PPA2: variants seen among roughly 807,000 people sequenced by gnomAD.
PPA2 encodes the protein inorganic pyrophosphatase 2, mitochondrial.
A neutral mutation model predicts 49.5 loss-of-function variants in PPA2; 48 were observed. The observed-to-expected ratio is 0.97, with a 90% CI of 0.77 to 1.23. The LOEUF is 1.23. Ranked by LOEUF, PPA2 falls within the 50% of genes most tolerant of loss-of-function variation. The probability of loss-of-function intolerance (pLI) is 0.00; values close to 1 mark genes in which losing one functional copy is unlikely to be tolerated. For synonymous variants in PPA2, 131 were observed against 139.9 expected, an observed-to-expected ratio of 0.94 and a Z score of 0.45; for missense variants, 429 against 410.1, an observed-to-expected ratio of 1.05 and a Z score of -0.40.
intron 9 of PPA2, among the ~76,000 whole-genome samples, chr4:105,392,819 A>C (rs555606944): frequency 3.7e-4 from 56 of 152,364 alleles, no homozygotes; most frequent in Non-Finnish European, 6.2e-4. Flanking sequence ...TGAGGAACTT[A>C]TATTCTAGAG....
chr4:105,438,069 G>A (rs201209617), intron 5 of PPA2, 33 bp from the exon 6 acceptor site: 1 of 1,411,004 alleles, frequency 7.1e-7, no homozygotes, highest in Non-Finnish European at 9.8e-7. Context: ...AAGCAGAAAT[G>A]TAAGTTAATA....
chr4:105,425,220 C>A (rs558913637), intron 6 of PPA2, among the ~76,000 whole-genome samples: 2 of 152,136 alleles, frequency 1.3e-5, no homozygotes, highest in Admixed American at 6.5e-5. Flanking sequence ...AAAATGTAAA[C>A]CCTAAATGGG....
intron 7 of PPA2, chr4:105,405,697 A>G (rs1722437522): frequency 2.2e-6 from 2 of 893,932 alleles, no homozygotes; most frequent in Non-Finnish European, 2.7e-6. Flanking sequence ...GTTTCAATGT[A>G]CTCCCTCAGG....
chr4:105,443,285 G>A (rs542955906), intron 5 of PPA2, among the ~76,000 whole-genome samples: 18 of 152,010 alleles, frequency 1.2e-4, no homozygotes, highest in African/African-American at 4.3e-4. Context: ...TGAAGGTGAG[G>A]GCTTGAGACA....
At chr4:105,428,293 A>C (rs142571477) in intron 6 of PPA2, among the ~76,000 whole-genome samples, 27 of 152,310 alleles carry the variant, frequency 1.8e-4, no homozygotes, top group East Asian at 3.9e-4. Flanking sequence ...TTCATCAATT[A>C]ATGCGCAAAA....
At chr4:105,383,514 C>A (rs2636723) in intron 10 of PPA2, among the ~76,000 whole-genome samples, 89,065 of 152,008 alleles carry the variant, frequency 0.59, 26,280 homozygotes, top group East Asian at 0.68. Context: ...TATACTTCCT[C>A]CAATAGTTCT....
intron 7 of PPA2, among the ~76,000 whole-genome samples, chr4:105,409,768 G>A (rs535487094): frequency 7.9e-5 from 12 of 152,214 alleles, no homozygotes; most frequent in African/African-American, 1.7e-4. Flanking sequence ...ATACCCAGGC[G>A]AATAGGGTCT....
At chr4:105,444,295 G>A (rs183175626) in intron 5 of PPA2, among the ~76,000 whole-genome samples, 42 of 152,270 alleles carry the variant, frequency 2.8e-4, no homozygotes, top group South Asian at 6.2e-4. Flanking sequence ...AGAAGTAAGC[G>A]GAGGCCAGAT....
In PPA2 at chr4:105,466,954, C is replaced by T. The variant is rs144009381; in HGVS notation, c.157+6940G>A. Among the ~76,000 whole-genome samples, 35 of 152,350 alleles carry T rather than the reference C, an allele frequency of 2.3e-4. 1 individual carries two copies. The highest frequency in any genetic ancestry group is 7.2e-4 in the Admixed American group (11 of 15,300). ...CTGCCATTTTGCCTCTTAGTGCAAA[C>T]GCTTGAGCCCACTCACCCAGTTCCT... On this transcript the variant is annotated intron_variant, in intron 1 of 11. Coordinates refer to ENST00000341695, the MANE Select transcript of PPA2 (RefSeq NM_176869.3).
At chr4:105,380,909 A>G (rs527620911) in intron 10 of PPA2, among the ~76,000 whole-genome samples, 21 of 152,234 alleles carry the variant, frequency 1.4e-4, no homozygotes, top group Non-Finnish European at 2.6e-4. Context: ...ATGTGTACCT[A>G]GAAGGGTAAT....
At chr4:105,450,886 C>T (rs905946269) in intron 3 of PPA2, among the ~76,000 whole-genome samples, 2 of 152,250 alleles carry the variant, frequency 1.3e-5, no homozygotes, top group African/African-American at 4.8e-5. Context: ...GGATTACAGG[C>T]GTGAGCCACC....
intron 11 of PPA2, 52 bp from the exon 12 acceptor site, chr4:105,369,805 G>C (rs1290506921): frequency 6.8e-7 from 1 of 1,470,534 alleles, no homozygotes; most frequent in Non-Finnish European, 9.5e-7. Flanking sequence ...AGAGGAGGGA[G>C]AAGGGAGTGA....
chr4:105,463,338 AG>A (rs1169002631), intron 1 of PPA2, among the ~76,000 whole-genome samples: 2 of 152,136 alleles, frequency 1.3e-5, no homozygotes, highest in Non-Finnish European at 2.9e-5. Context: ...AACTTGAGAG[AG>A]ATGATTTAGG....
At chr4:105,455,952 T>G (rs1258611313) in intron 2 of PPA2, 1 of 193,264 alleles carries the variant, frequency 5.2e-6, no homozygotes, top group African/African-American at 2.3e-5. Flanking sequence ...ACTTGGATTT[T>G]AAGGAAATAA....
chr4:105,447,183 A>G (rs1722424284), intron 4 of PPA2, among the ~76,000 whole-genome samples: 1 of 152,218 alleles, frequency 6.6e-6, no homozygotes, highest in Non-Finnish European at 1.5e-5. Flanking sequence ...TGTGGTATAT[A>G]TACATAATAA....
At chr4:105,413,374 C>T (rs182231244) in intron 7 of PPA2, among the ~76,000 whole-genome samples, 53 of 152,032 alleles carry the variant, frequency 3.5e-4, no homozygotes, top group East Asian at 3.5e-3. Context: ...ATGTAAATGA[C>T]GAGTTGATGG....
intron 5 of PPA2, among the ~76,000 whole-genome samples, chr4:105,445,581 A>G (rs999782920): frequency 7.2e-5 from 11 of 152,088 alleles, no homozygotes; most frequent in Admixed American, 2.0e-4. Context: ...ATATTTCCCC[A>G]ATACCATCTT....
intron 9 of PPA2, among the ~76,000 whole-genome samples, chr4:105,387,676 T>C (rs867542678): frequency 4.6e-5 from 7 of 152,160 alleles, no homozygotes; most frequent in South Asian, 2.1e-4. Context: ...AGCAGTAACA[T>C]CTTTAAGACT....
chr4:105,408,794 T>C (rs1437743697), intron 7 of PPA2, among the ~76,000 whole-genome samples: 1 of 152,140 alleles, frequency 6.6e-6, no homozygotes, highest in Non-Finnish European at 1.5e-5. Context: ...ATATACAAGA[T>C]ATAAAAGATA....
Sources: allele counts gnomAD v4.1 joint callset (sites outside exome capture counted in the v4.1 genomes callset), GRCh38; gene constraint gnomAD v4.1.1; transcripts MANE v1.5; gene names NCBI Gene and HGNC (gene_info 2026-07-23, HGNC 2026-07-21).